The following SMURF2 variants were observed in gnomAD, a reference collection of about 807,000 sequenced individuals.
SMURF2 encodes SMAD specific E3 ubiquitin protein ligase 2, also known as E3 ubiquitin-protein ligase SMURF2.
A neutral mutation model predicts 109.6 loss-of-function variants in SMURF2; 48 were observed. The observed-to-expected ratio is 0.44, with a 90% CI of 0.35 to 0.56. SMURF2 has a LOEUF of 0.56. SMURF2 is among the 20% of genes least tolerant of loss of function. The pLI is 0.01. For missense variants in SMURF2, 575 were observed against 909.0 expected, an observed-to-expected ratio of 0.63 and a Z score of 4.72; for synonymous variants, 288 against 317.1, an observed-to-expected ratio of 0.91 and a Z score of 0.97.
At position 64,544,004 on chromosome 17, in the gene SMURF2, T is replaced by C. The variant is rs1462947007; in HGVS notation, c.*1844A>G. 2 of 152,254 alleles carry C rather than the reference T, an allele frequency of 1.3e-5. No homozygotes were observed. Among genetic ancestry groups the C allele is most frequent in the Non-Finnish European group, 1.5e-5 (1 of 68,050 alleles). The allele number at this position is 152,254 out of a possible 1,614,324, so 9.4% of individuals were successfully genotyped here. On this transcript the variant is annotated 3_prime_UTR_variant, in exon 19 of 19. Coordinates refer to ENST00000262435, the MANE Select transcript of SMURF2 (RefSeq NM_022739.4). ...ACAGTTACAACTATGACTAGCTTGC[T>C]TGTGGCAGTTGAATTTGGCCAAATG...
chr17:64,577,941 C>CTTTTTT (rs1157721982), intron 9 of SMURF2, among the ~76,000 whole-genome samples: 9 of 121,206 alleles, frequency 7.4e-5, no homozygotes, highest in African/African-American at 2.2e-4. Flanking sequence ...TTTCATTCCA[C>CTTTTTT]TTTTTTTTTT....
chr17:64,605,458 C>T (rs994639091), intron 2 of SMURF2, among the ~76,000 whole-genome samples: 2 of 151,684 alleles, frequency 1.3e-5, no homozygotes, highest in Non-Finnish European at 2.9e-5. Context: ...CACAGTGGCT[C>T]ACACCTGTAA....
At chr17:64,575,522 G>A (rs1969477831) in intron 9 of SMURF2, among the ~76,000 whole-genome samples, 1 of 151,962 alleles carries the variant, frequency 6.6e-6, no homozygotes, top group South Asian at 2.1e-4. Flanking sequence ...ATAAAGTAAT[G>A]AGTAATAGCA....
At chr17:64,553,367 G>A (rs1173554893) in intron 15 of SMURF2, among the ~76,000 whole-genome samples, 2 of 151,952 alleles carry the variant, frequency 1.3e-5, no homozygotes, top group Non-Finnish European at 2.9e-5. Context: ...GTTGCCAGGT[G>A]TGGTTGTGCG....
At chr17:64,546,845 A>G (rs1341709481) in intron 17 of SMURF2, among the ~76,000 whole-genome samples, 5 of 152,216 alleles carry the variant, frequency 3.3e-5, no homozygotes, top group Admixed American at 3.3e-4. Context: ...AAGTGTGAGG[A>G]TGAGGAGCTC....
intron 10 of SMURF2, among the ~76,000 whole-genome samples, chr17:64,565,612 GAAA>G (rs576121373): frequency 6.9e-6 from 1 of 144,830 alleles, no homozygotes; most frequent in African/African-American, 2.5e-5. Flanking sequence ...AACATGAAGG[GAAA>G]AAAAAAAACC....
chr17:64,573,618 G>A (rs1036398249), intron 9 of SMURF2, among the ~76,000 whole-genome samples: 3 of 152,104 alleles, frequency 2.0e-5, no homozygotes, highest in Non-Finnish European at 2.9e-5. Flanking sequence ...TTAAAAAAAA[G>A]GGAGTTCGGG....
At chr17:64,563,034 A>G in intron 10 of SMURF2, 68 bp from the exon 11 acceptor site, 1 of 1,314,102 alleles carries the variant, frequency 7.6e-7, no homozygotes, top group Non-Finnish European at 1.0e-6. Flanking sequence ...ATAGATTTAA[A>G]ATAGCATCAT....
rs1039376645 is a variant in SMURF2, at chr17:64,544,168, A to G, written c.*1680T>C. The G allele has an allele frequency of 3.3e-5, 5 of 152,146 alleles. No individual in the cohort carries two copies. The highest frequency in any genetic ancestry group is 5.9e-5 in the Non-Finnish European group (4 of 68,040). The allele number at this position is 152,146 out of a possible 1,614,324, so 9.4% of individuals were successfully genotyped here. On this transcript the variant is annotated 3_prime_UTR_variant, in exon 19 of 19. Transcript: ENST00000262435. ...AAGCTTACTTGAAATTCCAATATACATAAGAAAAATGGGCTGTTCTGGGTA... is the reference window on the plus strand; with the variant it reads ...AAGCTTACTTGAAATTCCAATATACGTAAGAAAAATGGGCTGTTCTGGGTA...
At chr17:64,606,510 T>C in intron 2 of SMURF2, 92 bp downstream of exon 2, 5 of 909,524 alleles carry the variant, frequency 5.5e-6, no homozygotes, top group Non-Finnish European at 8.4e-6. Context: ...ACAATACTTC[T>C]GAATAGAGAA....
chr17:64,550,527 C>T (rs1969027898), intron 16 of SMURF2, among the ~76,000 whole-genome samples: 1 of 152,122 alleles, frequency 6.6e-6, no homozygotes, highest in African/African-American at 2.4e-5. Context: ...CACCTGTAAT[C>T]CCAGCACTGT....
chr17:64,558,159 G>C (rs956092329), intron 12 of SMURF2, among the ~76,000 whole-genome samples: 13 of 152,160 alleles, frequency 8.5e-5, no homozygotes, highest in South Asian at 2.1e-4. Context: ...CAGCACTTTG[G>C]GGGGCCAAGA....
At chr17:64,584,361 C>CTTTTTTTTT (rs372682588) in intron 6 of SMURF2, among the ~76,000 whole-genome samples, 3,977 of 112,536 alleles carry the variant, frequency 0.035, 277 homozygotes, top group African/African-American at 0.096. Flanking sequence ...CTTTTTTTTT[C>CTTTTTTTTT]TTTTTTTTTT....
At chr17:64,626,267 A>C (rs1247798259) in intron 1 of SMURF2, among the ~76,000 whole-genome samples, 1 of 151,794 alleles carries the variant, frequency 6.6e-6, no homozygotes, top group Admixed American at 6.6e-5. Context: ...TCAAAAAAAA[A>C]AAAAAAACAA....
chr17:64,611,037 G>A (rs1439763986), intron 1 of SMURF2, among the ~76,000 whole-genome samples: 4 of 152,222 alleles, frequency 2.6e-5, no homozygotes, highest in Middle Eastern at 6.8e-3. Flanking sequence ...GGTTCTACAC[G>A]GCATAAAACT....
intron 12 of SMURF2, among the ~76,000 whole-genome samples, chr17:64,559,609 A>C (rs1025422712): frequency 9.9e-5 from 15 of 151,678 alleles, no homozygotes; most frequent in East Asian, 1.9e-4. Flanking sequence ...ACAACAACAA[A>C]AAAAACTGAC....
intron 13 of SMURF2, 82 bp from the exon 14 acceptor site, chr17:64,556,080 A>T: frequency 9.4e-7 from 1 of 1,068,720 alleles, no homozygotes; most frequent in East Asian, 2.6e-5. Flanking sequence ...AGCAACATTA[A>T]TCTTTTTGAG....
At chr17:64,586,220 A>G (rs782657235) in intron 5 of SMURF2, 50 bp from the exon 6 acceptor site, 16 of 1,222,182 alleles carry the variant, frequency 1.3e-5, no homozygotes, top group Non-Finnish European at 1.7e-5. Context: ...AGAAAGAACT[A>G]TTATAATCTA....
chr17:64,578,422 T>A, intron 9 of SMURF2, 70 bp downstream of exon 9: 1 of 1,073,620 alleles, frequency 9.3e-7, no homozygotes, highest in Non-Finnish European at 1.4e-6. Flanking sequence ...AAAAATTTCT[T>A]AAAAATCAAA....
Sources: gnomAD v4.1 joint callset for allele counts (sites outside exome capture counted in the v4.1 genomes callset) on GRCh38, gnomAD v4.1.1 for gene constraint, MANE v1.5 for transcripts, NCBI Gene and HGNC (gene_info 2026-07-23, HGNC 2026-07-21) for gene names.